The following SIPA1L2 variants were observed in gnomAD, a reference collection of about 807,000 sequenced individuals.
The protein encoded by SIPA1L2 is signal-induced proliferation-associated 1-like protein 2.
A neutral mutation model predicts 163.9 loss-of-function variants in SIPA1L2; 56 were observed. The observed-to-expected ratio is 0.34, with a 90% CI of 0.28 to 0.43. SIPA1L2 has a LOEUF of 0.43. Among genes scored for constraint, SIPA1L2 ranks in the 20% least tolerant of loss-of-function variants. The probability of loss-of-function intolerance (pLI) is 1.00; values close to 1 mark genes in which losing one functional copy is unlikely to be tolerated. For missense variants in SIPA1L2, 1,974 were observed against 2,193.5 expected, an observed-to-expected ratio of 0.90 and a Z score of 2.00; for synonymous variants, 877 against 865.7, an observed-to-expected ratio of 1.01 and a Z score of -0.23.
chr1:232,512,457 C>T (rs1286220268), intron 3 of SIPA1L2, among the ~76,000 whole-genome samples: 2 of 152,152 alleles, frequency 1.3e-5, no homozygotes, highest in Non-Finnish European at 2.9e-5. Context: ...ATACCAAAGA[C>T]TTGGAACCAA....
chr1:232,418,892 G>A (rs1396152970), intron 18 of SIPA1L2, among the ~76,000 whole-genome samples: 2 of 152,218 alleles, frequency 1.3e-5, no homozygotes, highest in Non-Finnish European at 2.9e-5. Context: ...CCACTCAGCA[G>A]TCTACCACAA....
intron 1 of SIPA1L2, among the ~76,000 whole-genome samples, chr1:232,575,786 G>T (rs971522041): frequency 7.2e-5 from 11 of 152,116 alleles, no homozygotes; most frequent in Admixed American, 6.5e-4. Flanking sequence ...ACGCCCATTA[G>T]ATGAATACAG....
rs1304268132 is a variant in SIPA1L2, at chr1:232,398,586, G to A, written c.*541C>T. 2 of 150,120 alleles carry A rather than the reference G, an allele frequency of 1.3e-5. No individual in the cohort carries two copies. Among genetic ancestry groups the A allele is most frequent in the Non-Finnish European group, 3.0e-5 (2 of 67,666 alleles). The allele number at this position is 150,120 out of a possible 1,614,324, so 9.3% of individuals were successfully genotyped here. A position where few individuals can be genotyped will look rare whatever the true frequency, so the allele number is the denominator to read the frequency against. ...TTTTTTTTTTTAATCCCCCCACAAA[G>A]CTTTTCCAACTATGTACTATGCCTC... On this transcript the variant is annotated 3_prime_UTR_variant, in exon 23 of 23. Transcript: ENST00000674635.
intron 10 of SIPA1L2, among the ~76,000 whole-genome samples, chr1:232,454,758 A>G (rs558067286): frequency 6.6e-6 from 1 of 152,364 alleles, no homozygotes; most frequent in African/African-American, 2.4e-5. Context: ...ACACGTGGGC[A>G]CTGAAGTGTA....
chr1:232,587,939 C>A (rs1301893992), intron 1 of SIPA1L2, among the ~76,000 whole-genome samples: 1 of 152,198 alleles, frequency 6.6e-6, no homozygotes, highest in Non-Finnish European at 1.5e-5. Flanking sequence ...TTTCACCTTC[C>A]ACCATGATTG....
rs1553296493 is a variant in SIPA1L2, at chr1:232,480,162, T to TGTGC, written c.1982-433_1982-432insGCAC. Among the ~76,000 whole-genome samples, 635 of 131,732 alleles carry TGTGC rather than the reference T, an allele frequency of 4.8e-3. 8 individuals carry two copies. Among genetic ancestry groups the TGTGC allele is most frequent in the African/African-American group, 0.017 (596 of 34,134 alleles). The allele number at this position is 131,732 out of a possible 152,430, so 86.4% of individuals were successfully genotyped here. On this transcript the variant is annotated intron_variant, in intron 6 of 22. Coordinates refer to ENST00000674635, the MANE Select transcript of SIPA1L2 (RefSeq NM_020808.5). ...ATCTGTGTGTGTGTGTGCGTGTGTG[T>TGTGC]GTGTGTGTGTGTGTGTGTGTGTGTG... is the stretch of plus-strand genomic sequence containing the variant.
chr1:232,526,628 G>A (rs1031481030), intron 2 of SIPA1L2, among the ~76,000 whole-genome samples: 6 of 152,192 alleles, frequency 3.9e-5, no homozygotes, highest in African/African-American at 1.2e-4. Context: ...GGCCCCTGCC[G>A]TAACCCACTG....
chr1:232,401,633 CT>C (rs1301547215), intron 22 of SIPA1L2, among the ~76,000 whole-genome samples: 1 of 152,178 alleles, frequency 6.6e-6, no homozygotes, highest in Admixed American at 6.5e-5. Context: ...TGAGCTGTCC[CT>C]ACTCCTATCC....
At chr1:232,544,497 T>C (rs967920100) in intron 2 of SIPA1L2, among the ~76,000 whole-genome samples, 1 of 151,976 alleles carries the variant, frequency 6.6e-6, no homozygotes, top group Non-Finnish European at 1.5e-5. Flanking sequence ...AAGGCACAGC[T>C]TGCAGTGAGC....
intron 11 of SIPA1L2, 140 bp downstream of exon 11, chr1:232,445,389 G>A: frequency 8.1e-7 from 1 of 1,229,720 alleles, no homozygotes; most frequent in South Asian, 1.4e-5. Context: ...TGTGTCTGGG[G>A]CCTGCCTTGC....
chr1:232,502,478 C>T (rs1342131783), intron 3 of SIPA1L2, among the ~76,000 whole-genome samples: 1 of 152,090 alleles, frequency 6.6e-6, no homozygotes, highest in East Asian at 1.9e-4. Context: ...ATATACTTCA[C>T]TGAGTAATTT....
chr1:232,609,155 G>C (rs913057010), intron 1 of SIPA1L2, among the ~76,000 whole-genome samples: 2 of 152,156 alleles, frequency 1.3e-5, no homozygotes, highest in African/African-American at 4.8e-5. Context: ...GACTAATTAA[G>C]ATCATTAGGA....
intron 9 of SIPA1L2, among the ~76,000 whole-genome samples, chr1:232,464,206 C>A (rs1465838507): frequency 1.3e-5 from 2 of 152,116 alleles, no homozygotes; most frequent in African/African-American, 4.8e-5. Context: ...CTGATTCTTA[C>A]TTTGTTAAAA....
rs1381158780 is a variant in SIPA1L2 at position 232,514,785 on chromosome 1, C to T, written c.555G>A (p.Gly185=). The T allele has an allele frequency of 4.3e-6, 7 of 1,614,176 alleles. No homozygotes were observed. In the South Asian group the frequency reaches 6.6e-5, roughly 15 times the overall value. Reference sequence around the variant, plus strand: ...TTCCATACTCCCTGTGCAGGGCAGCCCCGGTGTTGGGGTTGACTGCATTTT... The same window carrying T: ...TTCCATACTCCCTGTGCAGGGCAGCTCCGGTGTTGGGGTTGACTGCATTTT... ...LDQNAVNPNT[G]AALHREYGST... Residue 185 remains glycine (G), a synonymous_variant, in exon 3 of 23, where the codon GGG becomes GGA. Transcript: ENST00000674635.
chr1:232,537,440 A>C (rs1011848030), intron 2 of SIPA1L2, among the ~76,000 whole-genome samples: 4 of 152,214 alleles, frequency 2.6e-5, no homozygotes, highest in Non-Finnish European at 5.9e-5. Flanking sequence ...TAGTAGCAAT[A>C]CATCGCTTTA....
chr1:232,545,205 C>T (rs1657958912), intron 2 of SIPA1L2, among the ~76,000 whole-genome samples: 2 of 152,252 alleles, frequency 1.3e-5, no homozygotes, highest in South Asian at 2.1e-4. Flanking sequence ...GTAAACTCTT[C>T]TACAAGGTTC....
rs78754419 is a variant in SIPA1L2 at position 232,461,138 on chromosome 1, A to G, written c.2844T>C (p.Thr948=). Residue 948 remains threonine, a synonymous_variant, in exon 10 of 23, where the codon ACT becomes ACC. Transcript: ENST00000674635. ...RLVIVTRGCE[T]VEMTLRRNGL... ...CGTTCCTCCTCAGGGTCATTTCCAC[A>G]GTCTCGCAGCCTCTCGTCACTATCT... 4 of 1,614,128 alleles carry G rather than the reference A, an allele frequency of 2.5e-6. No individual in the cohort carries two copies. The highest frequency in any genetic ancestry group is 1.6e-4 in the Middle Eastern group (1 of 6,084).
chr1:232,605,195 G>T (rs1224779879), intron 1 of SIPA1L2, among the ~76,000 whole-genome samples: 5 of 152,004 alleles, frequency 3.3e-5, no homozygotes, highest in African/African-American at 1.2e-4. Context: ...GTATCTTTTT[G>T]TACAGACGGG....
chr1:232,507,612 G>C (rs1430747147), intron 3 of SIPA1L2, among the ~76,000 whole-genome samples: 2 of 152,180 alleles, frequency 1.3e-5, no homozygotes, highest in Non-Finnish European at 2.9e-5. Flanking sequence ...TTGGTAAGTT[G>C]TTTTGTAGAG....
Sources: allele counts gnomAD v4.1 joint callset (sites outside exome capture counted in the v4.1 genomes callset), GRCh38; gene constraint gnomAD v4.1.1; transcripts MANE v1.5; gene names NCBI Gene and HGNC (gene_info 2026-07-23, HGNC 2026-07-21).